AGMO: variants seen among roughly 807,000 people sequenced by gnomAD.
AGMO encodes the protein alkylglycerol monooxygenase, also known as glyceryl-ether monooxygenase.
In AGMO, 75 loss-of-function variants were observed where a neutral mutation model predicts 60.2. The observed-to-expected ratio is 1.25, with a 90% CI of 1.03 to 1.51. The LOEUF (loss-of-function observed/expected upper bound fraction) is 1.51. Among genes scored for constraint, AGMO ranks in the 40% most tolerant of loss-of-function variants. The pLI is 0.00. For missense variants in AGMO, 763 were observed against 525.5 expected (o/e 1.45, Z -4.42); for synonymous variants, 261 against 177.1 (o/e 1.47, Z -3.76).
chr7:15,460,987 C>T (rs1042117752), intron 3 of AGMO, among the ~76,000 whole-genome samples: 3 of 152,078 alleles, frequency 2.0e-5, no homozygotes, highest in South Asian at 2.1e-4. Flanking sequence ...ATTAATGCTA[C>T]AGGCATTTGT....
downstream of AGMO, among the ~76,000 whole-genome samples, chr7:15,196,372 T>G (rs990914572): frequency 1.3e-5 from 2 of 152,156 alleles, no homozygotes; most frequent in Non-Finnish European, 2.9e-5. Flanking sequence ...TTAAAATGTA[T>G]GCAAAATGAT....
the AGMO span, among the ~76,000 whole-genome samples, chr7:15,183,206 A>T: frequency 6.6e-6 from 1 of 151,450 alleles, no homozygotes; most frequent in Admixed American, 6.6e-5. Flanking sequence ...TATCCTCTTG[A>T]TATATTTTTC....
intron 12 of AGMO, among the ~76,000 whole-genome samples, chr7:15,251,753 T>C (rs574743816): frequency 2.6e-5 from 4 of 152,230 alleles, no homozygotes; most frequent in African/African-American, 9.6e-5. Flanking sequence ...ATAACAGAAG[T>C]AGCAAAGTGA....
At chr7:15,330,624 C>T (rs1373460739) in intron 12 of AGMO, among the ~76,000 whole-genome samples, 2 of 152,068 alleles carry the variant, frequency 1.3e-5, no homozygotes, top group South Asian at 2.1e-4. Context: ...CTTCTGTTTG[C>T]GCTCACCAAC....
intron 12 of AGMO, among the ~76,000 whole-genome samples, chr7:15,235,521 G>A (rs1385784723): frequency 6.6e-6 from 1 of 152,100 alleles, no homozygotes; most frequent in Non-Finnish European, 1.5e-5. Flanking sequence ...ATTGGATGCT[G>A]TTCATAGACG....
chr7:15,222,761 T>C (rs1781960161), intron 12 of AGMO, among the ~76,000 whole-genome samples: 1 of 151,958 alleles, frequency 6.6e-6, no homozygotes. Context: ...CCTATCTTTC[T>C]CTCTCTGTCT....
At chr7:15,364,257 G>A (rs1782877314) in intron 12 of AGMO, among the ~76,000 whole-genome samples, 1 of 151,640 alleles carries the variant, frequency 6.6e-6, no homozygotes, top group African/African-American at 2.4e-5. Context: ...CTTCCCACAA[G>A]CAACATGTTA....
Position 15,318,633 on chromosome 7 carries a change from CAGA to C in AGMO, c.1263+46878_1263+46880del, listed in dbSNP as rs1781014210. On this transcript the variant is annotated intron_variant, in intron 12 of 12. Coordinates refer to ENST00000342526, the MANE Select transcript of AGMO (RefSeq NM_001004320.2). The stretch of plus-strand genomic sequence containing the variant: ...GGATCTAATACTCTTCCAGCCTTAA[CAGA>C]AGAATATCATGAGCTTTATCTGTAG... Among the ~76,000 whole-genome samples, 3 of 152,174 alleles carry C rather than the reference CAGA, an allele frequency of 2.0e-5. No individual in the cohort carries two copies. The East Asian group carries it at 5.8e-4, about 29-fold the overall frequency.
Position 15,382,290 on chromosome 7 carries a change from A to C in AGMO, c.1074+3156T>G, listed in dbSNP as rs567260963. 3.7e-4 allele frequency among the ~76,000 whole-genome samples: 57 copies of C among 152,314 alleles called. No homozygotes were observed. In the South Asian group the frequency reaches 4.6e-3, roughly 12 times the overall value. ...ACACAATTGGATGCCCAGCCAAAAC[A>C]TATCTCCCATTTCTTTTGTACTAAT... On this transcript the variant is annotated intron_variant, in intron 10 of 12. Coordinates refer to ENST00000342526, the MANE Select transcript of AGMO (RefSeq NM_001004320.2).
intron 10 of AGMO, among the ~76,000 whole-genome samples, chr7:15,379,125 TAA>T (rs1204954090): frequency 2.0e-5 from 3 of 151,924 alleles, no homozygotes; most frequent in Admixed American, 6.6e-5. Flanking sequence ...AAGGCAGTGT[TAA>T]GAGAGAAATT....
chr7:15,156,410 T>A, the AGMO span, among the ~76,000 whole-genome samples: 1 of 152,274 alleles, frequency 6.6e-6, no homozygotes, highest in African/African-American at 2.4e-5. Context: ...AAGACACCCC[T>A]GTTCTATCCA....
At chr7:15,513,051 A>C (rs1458294526) in intron 3 of AGMO, among the ~76,000 whole-genome samples, 1 of 152,188 alleles carries the variant, frequency 6.6e-6, no homozygotes, top group Non-Finnish European at 1.5e-5. Flanking sequence ...TTATTTCCTT[A>C]AAGGTATTAC....
chr7:15,517,563 G>A (rs80303553), intron 3 of AGMO, among the ~76,000 whole-genome samples: 2,838 of 151,700 alleles, frequency 0.019, 75 homozygotes, highest in African/African-American at 0.065. Flanking sequence ...AGTGCAAGGG[G>A]TCAGGAACTC....
the AGMO span, among the ~76,000 whole-genome samples, chr7:15,119,885 A>T: frequency 5.3e-5 from 8 of 151,128 alleles, no homozygotes; most frequent in South Asian, 1.3e-3. Context: ...ATTAGTTTTC[A>T]CACCCTCTGC....
At chr7:15,443,873 T>A (rs10277490) in intron 3 of AGMO, among the ~76,000 whole-genome samples, 2 of 152,142 alleles carry the variant, frequency 1.3e-5, no homozygotes, top group African/African-American at 4.8e-5. Context: ...AGCATTTTCA[T>A]GGTCCCCTCT....
At chr7:15,336,176 C>T (rs902949022) in intron 12 of AGMO, among the ~76,000 whole-genome samples, 4 of 152,070 alleles carry the variant, frequency 2.6e-5, no homozygotes, top group African/African-American at 9.7e-5. Context: ...TACAGGTCAT[C>T]TCTTCTAACA....
At chr7:15,274,274 C>T (rs910254032) in intron 12 of AGMO, among the ~76,000 whole-genome samples, 6 of 151,660 alleles carry the variant, frequency 4.0e-5, no homozygotes, top group Admixed American at 6.6e-5. Flanking sequence ...ATAAATAGCT[C>T]TTATTGAGAT....
chr7:15,551,603 A>C lies in AGMO; in HGVS notation c.258-6680T>G, dbSNP rs1181141176. 3.8e-3 allele frequency among the ~76,000 whole-genome samples: 572 copies of C among 151,566 alleles called. 3 individuals carry two copies. Among genetic ancestry groups the C allele is most frequent in the African/African-American group, 0.013 (532 of 41,304 alleles). On this transcript the variant is annotated intron_variant, in intron 2 of 12. Transcript: ENST00000342526. ...AGAGAATAAAATACTTAGGAATCCA[A>C]CTTACAAGGGATGTGAAGGACCTCT...
At chr7:15,191,012 A>C in the AGMO span, among the ~76,000 whole-genome samples, 1 of 152,148 alleles carries the variant, frequency 6.6e-6, no homozygotes. Flanking sequence ...TCTGCAACCA[A>C]GCAAAATTCA....
Sources: gnomAD v4.1 joint callset for allele counts (sites outside exome capture counted in the v4.1 genomes callset) on GRCh38, gnomAD v4.1.1 for gene constraint, MANE v1.5 for transcripts, NCBI Gene and HGNC (gene_info 2026-07-23, HGNC 2026-07-21) for gene names.